The following ZNF407 variants were observed in gnomAD, a reference collection of about 807,000 sequenced individuals.
ZNF407 encodes zinc finger protein 407.
A neutral mutation model predicts 131.2 loss-of-function variants in ZNF407; 17 were observed. The observed-to-expected ratio is 0.13, with a 90% CI of 0.09 to 0.19. The LOEUF is 0.19. Ranked by LOEUF, ZNF407 falls within the 10% of genes least tolerant of loss-of-function variation. The probability of loss-of-function intolerance (pLI) is 1.00; values close to 1 mark genes in which losing one functional copy is unlikely to be tolerated. For synonymous variants in ZNF407, 1,156 were observed against 1,062.0 expected (o/e 1.09, Z -1.72); for missense variants, 2,681 against 2,830.6 (o/e 0.95, Z 1.20).
chr18:74,770,758 A>G (rs1969344503), intron 3 of ZNF407, among the ~76,000 whole-genome samples: 1 of 152,070 alleles, frequency 6.6e-6, no homozygotes, highest in South Asian at 2.1e-4. Flanking sequence ...GGGTGTGTAT[A>G]TGTTTATCAA....
intron 4 of ZNF407, among the ~76,000 whole-genome samples, chr18:74,811,288 T>G (rs1374484075): frequency 6.6e-6 from 1 of 152,158 alleles, no homozygotes; most frequent in Non-Finnish European, 1.5e-5. Context: ...TCACCATCAC[T>G]GGCCATCAGA....
At position 75,020,417 on chromosome 18, in the gene ZNF407, A is replaced by G. The variant is rs773384415; in HGVS notation, c.5429-42733A>G. Among the ~76,000 whole-genome samples the G allele has an allele frequency of 1.5e-3, 230 of 152,244 alleles. 1 individual carries two copies. Among genetic ancestry groups the G allele is most frequent in the Middle Eastern group, 0.014 (4 of 294 alleles). On this transcript the variant is annotated intron_variant, in intron 8 of 8. Coordinates refer to ENST00000299687, the MANE Select transcript of ZNF407 (RefSeq NM_017757.3). Reference sequence around the variant, plus strand: ...CTCACGGAAGGTGTTCCCTGCACATAAGGGCACTACAATGTGAAACTTTTT... The same window carrying G: ...CTCACGGAAGGTGTTCCCTGCACATGAGGGCACTACAATGTGAAACTTTTT...
At chr18:75,044,592 T>C (rs543726990) in intron 8 of ZNF407, among the ~76,000 whole-genome samples, 1 of 152,308 alleles carries the variant, frequency 6.6e-6, no homozygotes, top group East Asian at 1.9e-4. Flanking sequence ...GAATCTGACC[T>C]TGAAATAACC....
At chr18:75,010,320 T>G (rs1380055284) in intron 8 of ZNF407, among the ~76,000 whole-genome samples, 1 of 152,188 alleles carries the variant, frequency 6.6e-6, no homozygotes, top group Non-Finnish European at 1.5e-5. Context: ...GTGGGATGTT[T>G]TGGAGGTCCA....
chr18:74,756,395 G>C (rs955984161), intron 3 of ZNF407, among the ~76,000 whole-genome samples: 2 of 152,116 alleles, frequency 1.3e-5, no homozygotes, highest in African/African-American at 4.8e-5. Context: ...TTGAATTTCT[G>C]AGTCAATTTG....
chr18:74,940,017 A>C (rs1972079176), intron 8 of ZNF407, among the ~76,000 whole-genome samples: 1 of 152,218 alleles, frequency 6.6e-6, no homozygotes, highest in South Asian at 2.1e-4. Flanking sequence ...CATGAGAATT[A>C]GCTTATTAAG....
chr18:74,676,952 C>T (rs577213940), intron 3 of ZNF407, among the ~76,000 whole-genome samples: 22 of 152,288 alleles, frequency 1.4e-4, no homozygotes, highest in African/African-American at 4.3e-4. Context: ...CCACTGCCCC[C>T]GTCTTCCCTC....
intron 4 of ZNF407, among the ~76,000 whole-genome samples, chr18:74,834,742 G>C (rs1970532131): frequency 6.6e-6 from 1 of 152,112 alleles, no homozygotes; most frequent in African/African-American, 2.4e-5. Context: ...GCAGACACAG[G>C]GAAAACAGTG....
At chr18:74,704,717 T>C (rs1031804462) in intron 3 of ZNF407, among the ~76,000 whole-genome samples, 1 of 152,212 alleles carries the variant, frequency 6.6e-6, no homozygotes, top group African/African-American at 2.4e-5. Context: ...CTCTTTGCAT[T>C]AGTAGCTTTA....
Position 75,048,300 on chromosome 18 carries a change from T to C in ZNF407, c.5429-14850T>C, listed in dbSNP as rs573719426. On this transcript the variant is annotated intron_variant, in intron 8 of 8. Coordinates refer to ENST00000299687, the MANE Select transcript of ZNF407 (RefSeq NM_017757.3). This position sits in a 1 kb window ranked among gnomAD's most constrained non-coding sequence, Gnocchi z 4.1. ...AGAGGCCTAATTTTTGTCTACATGG[T>C]ATTTCTTTTTGGCATTTGCCATGGT... Among the ~76,000 whole-genome samples, 2 of 152,330 alleles carry C rather than the reference T, an allele frequency of 1.3e-5. No individual in the cohort carries two copies. Among genetic ancestry groups the C allele is most frequent in the African/African-American group, 4.8e-5 (2 of 41,578 alleles).
intron 7 of ZNF407, among the ~76,000 whole-genome samples, chr18:74,915,487 TG>T: frequency 2.0e-5 from 3 of 148,156 alleles, no homozygotes; most frequent in Non-Finnish European, 3.0e-5. Flanking sequence ...AGTGTGTGTG[TG>T]TGTGTGTGTT....
intron 4 of ZNF407, among the ~76,000 whole-genome samples, chr18:74,863,579 G>A (rs1381584561): frequency 6.6e-6 from 1 of 151,952 alleles, no homozygotes. Context: ...TTGACTAGTT[G>A]CTAGTCTAGA....
chr18:74,877,927 A>C (rs1971182027), intron 5 of ZNF407, among the ~76,000 whole-genome samples: 1 of 152,220 alleles, frequency 6.6e-6, no homozygotes. Flanking sequence ...GCATTTAGCT[A>C]CTATAATTTT....
Position 74,632,525 on chromosome 18 carries a change from C to T in ZNF407, c.1506C>T (p.Gly502=). Residue 502 remains glycine, a synonymous_variant, in exon 2 of 9, where the codon GGC becomes GGT. Transcript: ENST00000299687. ...TTSETQEAEQ[G]QGSARPPDSG... Reference sequence around the variant, plus strand: ...CAGAAACCCAGGAGGCAGAGCAGGGCCAGGGGAGTGCCCGTCCTCCGGACT... The same window carrying T: ...CAGAAACCCAGGAGGCAGAGCAGGGTCAGGGGAGTGCCCGTCCTCCGGACT... The T allele has an allele frequency of 6.2e-7, 1 of 1,614,008 alleles. No individual in the cohort carries two copies. The highest frequency in any genetic ancestry group is 8.5e-7 in the Non-Finnish European group (1 of 1,179,906).
intron 3 of ZNF407, among the ~76,000 whole-genome samples, chr18:74,687,039 C>T (rs1057426733): frequency 6.6e-6 from 1 of 152,128 alleles, no homozygotes; most frequent in Non-Finnish European, 1.5e-5. Flanking sequence ...GGAATATGCA[C>T]AATAAACAGA....
At chr18:74,978,827 G>A (rs1198664823) in intron 8 of ZNF407, among the ~76,000 whole-genome samples, 1 of 152,170 alleles carries the variant, frequency 6.6e-6, no homozygotes, top group African/African-American at 2.4e-5. Flanking sequence ...GTGGTAGAAG[G>A]AAGTAGCTTC....
chr18:74,811,164 T>A (rs1449838470), intron 4 of ZNF407, among the ~76,000 whole-genome samples: 4 of 148,940 alleles, frequency 2.7e-5, no homozygotes, highest in South Asian at 2.1e-4. Context: ...CAATGAACTC[T>A]AACAAATTTA....
intron 7 of ZNF407, among the ~76,000 whole-genome samples, chr18:74,908,345 T>A (rs1971623561): frequency 6.6e-6 from 1 of 152,218 alleles, no homozygotes; most frequent in Admixed American, 6.5e-5. Context: ...TAAAATTTTT[T>A]AATCCAAATG....
intron 3 of ZNF407, among the ~76,000 whole-genome samples, chr18:74,684,535 T>C (rs1024485831): frequency 2.2e-4 from 33 of 152,206 alleles, no homozygotes; most frequent in African/African-American, 7.5e-4. Context: ...TAAGCACAAT[T>C]CAGTGGGAAA....
Sources: gnomAD v4.1 joint callset for allele counts (sites outside exome capture counted in the v4.1 genomes callset) on GRCh38, gnomAD v4.1.1 for gene constraint, Gnocchi (gnomAD v3.1) non-coding constraint, MANE v1.5 for transcripts, NCBI Gene and HGNC (gene_info 2026-07-23, HGNC 2026-07-21) for gene names.